Variants in MARCHF7 observed in about 807,000 individuals in gnomAD.
MARCHF7 encodes membrane associated ring-CH-type finger 7.
In MARCHF7, 20 loss-of-function variants were observed where a neutral mutation model predicts 76.5. That is an observed-to-expected ratio of 0.26 (90% CI 0.18 to 0.38). MARCHF7 has a LOEUF of 0.38. Among genes scored for constraint, MARCHF7 ranks in the 10% least tolerant of loss-of-function variants. MARCHF7 has a pLI of 1.00. For missense variants in MARCHF7, 797 were observed against 812.9 expected (o/e 0.98, Z 0.24); for synonymous variants, 295 against 293.0 (o/e 1.01, Z -0.07).
chr2:159,730,766 A>AAT (rs1348999397), intron 4 of MARCHF7, among the ~76,000 whole-genome samples: 2 of 152,200 alleles, frequency 1.3e-5, no homozygotes, highest in African/African-American at 2.4e-5. Context: ...TAATTTTAAA[A>AAT]ATATATATAG....
At chr2:159,730,206 C>T (rs1176222820) in intron 4 of MARCHF7, among the ~76,000 whole-genome samples, 1 of 152,114 alleles carries the variant, frequency 6.6e-6, no homozygotes, top group African/African-American at 2.4e-5. Context: ...CTGGCTAGTT[C>T]TTTGGCTTTT....
chr2:159,740,230 TA>T (rs1703970566), intron 4 of MARCHF7, among the ~76,000 whole-genome samples: 1 of 152,144 alleles, frequency 6.6e-6, no homozygotes, highest in Admixed American at 6.5e-5. Flanking sequence ...TTCTATATAG[TA>T]GTAGATCTGA....
At chr2:159,729,349 T>A (rs192100831) in intron 4 of MARCHF7, among the ~76,000 whole-genome samples, 174 bp downstream of exon 4, 110 of 152,274 alleles carry the variant, frequency 7.2e-4, no homozygotes, top group African/African-American at 2.5e-3. Flanking sequence ...TTCAGAATTA[T>A]GGATAACAGA....
At chr2:159,739,168 C>G (rs1440063604) in intron 4 of MARCHF7, among the ~76,000 whole-genome samples, 3 of 152,240 alleles carry the variant, frequency 2.0e-5, no homozygotes, top group Non-Finnish European at 4.4e-5. Context: ...AAGTCTACAG[C>G]CACAGCTGGG....
rs184361988 is a variant in MARCHF7, at chr2:159,733,458, G to A, written c.153+4283G>A. On this transcript the variant is annotated intron_variant, in intron 4 of 11. Transcript: ENST00000409175. ...TCACTGTATTGACCAGGCTGGTCTCGAACTTAGGAGATCAAGCAGTCTTCC... is the reference window on the plus strand; with the variant it reads ...TCACTGTATTGACCAGGCTGGTCTCAAACTTAGGAGATCAAGCAGTCTTCC... 16 of 888,808 alleles carry A rather than the reference G, an allele frequency of 1.8e-5. No individual in the cohort carries two copies. The African/African-American group carries it at 2.2e-4, about 12-fold the overall frequency. 55.1% of individuals were successfully genotyped at this position (888,808 alleles called of 1,614,324 possible). A position where few individuals can be genotyped will look rare whatever the true frequency, so the allele number is the denominator to read the frequency against.
intron 3 of MARCHF7, among the ~76,000 whole-genome samples, chr2:159,719,553 C>G (rs1574184341): frequency 1.3e-5 from 2 of 152,154 alleles, no homozygotes; most frequent in East Asian, 1.9e-4. Flanking sequence ...GGGTCCTCAT[C>G]CTTGGAGCCA....
intron 3 of MARCHF7, 93 bp from the exon 4 acceptor site, chr2:159,728,916 A>C (rs992830828): frequency 1.0e-5 from 7 of 682,100 alleles, no homozygotes; most frequent in Non-Finnish European, 1.6e-5. Context: ...TTGTATGGTT[A>C]ATTTTTTATT....
intron 4 of MARCHF7, among the ~76,000 whole-genome samples, chr2:159,732,634 T>C (rs1272247660): frequency 6.6e-6 from 1 of 152,152 alleles, no homozygotes; most frequent in Non-Finnish European, 1.5e-5. Flanking sequence ...TGCCTCAGCC[T>C]CCTGAGTAGC....
intron 4 of MARCHF7, among the ~76,000 whole-genome samples, chr2:159,731,627 G>T (rs1702801792): frequency 6.6e-6 from 1 of 151,918 alleles, no homozygotes; most frequent in African/African-American, 2.4e-5. Context: ...GGTGGCGCAT[G>T]CCTGTAGTCC....
At chr2:159,738,618 G>A (rs1007090948) in intron 4 of MARCHF7, among the ~76,000 whole-genome samples, 3 of 152,212 alleles carry the variant, frequency 2.0e-5, no homozygotes, top group African/African-American at 7.2e-5. Flanking sequence ...CCAGACAGGA[G>A]TGGGTAGCTC....
At chr2:159,734,594 G>A (rs144442731) in intron 4 of MARCHF7, among the ~76,000 whole-genome samples, 131 of 152,198 alleles carry the variant, frequency 8.6e-4, no homozygotes, top group African/African-American at 2.9e-3. Context: ...AAACCCTGCA[G>A]CATTTTTAAG....
Position 159,748,088 on chromosome 2 carries a change from A to G in MARCHF7, c.798A>G (p.Pro266=), listed in dbSNP as rs1480398972. Residue 266 remains proline, a synonymous_variant, in exon 7 of 12, where the codon CCA becomes CCG. Transcript: ENST00000409175. The stretch of plus-strand genomic sequence containing the variant: ...AAAGGGTTGTTTCATCTCAAAGACC[A>G]TTTCAAGAATCTTCTGACAATGAAG... ...NSERVVSSQR[P]FQESSDNEGR... 4.3e-6 allele frequency: 7 copies of G among 1,614,154 alleles called. No homozygotes were observed. Among genetic ancestry groups the G allele is most frequent in the Admixed American group, 3.3e-5 (2 of 60,008 alleles).
chr2:159,746,023 G>A (rs1418659677), intron 6 of MARCHF7, 86 bp downstream of exon 6: 5 of 1,034,200 alleles, frequency 4.8e-6, no homozygotes, highest in Non-Finnish European at 5.6e-6. Context: ...GTACAAAGGA[G>A]TAAAGTGTAT....
intron 9 of MARCHF7, among the ~76,000 whole-genome samples, chr2:159,761,288 T>C (rs1707033669): frequency 6.6e-6 from 1 of 151,722 alleles, no homozygotes; most frequent in Non-Finnish European, 1.5e-5. Context: ...CCTCCCAAAG[T>C]GCTGGGATTA....
Position 159,745,818 on chromosome 2 carries a change from T to C in MARCHF7, c.395T>C (p.Leu132Pro), listed in dbSNP as rs369480006. The C allele has an allele frequency of 6.2e-6, 10 of 1,612,630 alleles. No homozygotes were observed. In the African/African-American group the frequency reaches 1.2e-4, roughly 19 times the overall value. The change falls in exon 6 of 12, where the codon CTT becomes CCT. Residue 132 changes from leucine to proline, a missense_variant. Physicochemically the swap from Leu to Pro is moderately conservative, Grantham distance 98 (BLOSUM62 -3). This residue lies in a region of MARCHF7 where 643 missense variants were observed against 631.5 expected (regional missense o/e 1.02). Coordinates refer to ENST00000409175, the MANE Select transcript of MARCHF7 (RefSeq NM_001282805.2). Reference protein sequence around the residue: ...SQVPRSSSMVLGSFGTDLMRE... With the variant: ...SQVPRSSSMVPGSFGTDLMRE... ...GTTCCTAGATCTTCATCAATGGTAC[T>C]TGGATCATTTGGAACAGACTTAATG...
In MARCHF7 at chr2:159,719,122, G is replaced by A. The variant is rs115309107; in HGVS notation, c.-15+3356G>A. 5.6e-3 allele frequency among the ~76,000 whole-genome samples: 854 copies of A among 152,254 alleles called. 7 individuals are homozygous for A. The highest frequency in any genetic ancestry group is 0.019 in the African/African-American group (810 of 41,550). ...TCCGAGTAGCTGGGATTACAGGTGT[G>A]CACCACTACCGCCCGGCTAAATCTT... On this transcript the variant is annotated intron_variant, in intron 3 of 11. Transcript: ENST00000409175.
At chr2:159,739,785 A>G (rs1031918735) in intron 4 of MARCHF7, among the ~76,000 whole-genome samples, 3 of 152,214 alleles carry the variant, frequency 2.0e-5, no homozygotes, top group Admixed American at 6.5e-5. Context: ...CATTCCTTCT[A>G]TATACTGACA....
intron 3 of MARCHF7, among the ~76,000 whole-genome samples, chr2:159,723,365 T>C (rs899766007): frequency 4.6e-5 from 7 of 152,250 alleles, no homozygotes; most frequent in African/African-American, 1.4e-4. Flanking sequence ...GCGTAGGTAC[T>C]ATTAATAATT....
chr2:159,752,317 A>G (rs1267067675), intron 7 of MARCHF7, 85 bp from the exon 8 acceptor site: 1 of 1,299,750 alleles, frequency 7.7e-7, no homozygotes, highest in Non-Finnish European at 1.0e-6. Flanking sequence ...GAAATAACAA[A>G]AAAGAAAGCT....
Sources: allele counts gnomAD v4.1 joint callset (sites outside exome capture counted in the v4.1 genomes callset), GRCh38; gene constraint gnomAD v4.1.1; regional missense constraint gnomAD v4.1.1; transcripts MANE v1.5; gene names NCBI Gene and HGNC (gene_info 2026-07-23, HGNC 2026-07-21).